Variants in ASTN1 observed in about 807,000 individuals in gnomAD.
ASTN1 encodes astrotactin-1.
Under a neutral mutation model 140.7 loss-of-function variants are expected in ASTN1, and 41 were observed. The observed-to-expected ratio is 0.29, with a 90% CI of 0.23 to 0.38. ASTN1 has a LOEUF of 0.38. Ranked by LOEUF, ASTN1 falls within the 10% of genes least tolerant of loss-of-function variation. The probability of loss-of-function intolerance (pLI) is 1.00; values close to 1 mark genes in which losing one functional copy is unlikely to be tolerated. For synonymous variants in ASTN1, 640 were observed against 652.2 expected (o/e 0.98, Z 0.29); for missense variants, 1,479 against 1,678.8 (o/e 0.88, Z 2.08).
intron 14 of ASTN1, among the ~76,000 whole-genome samples, chr1:176,936,820 G>C (rs1671468828): frequency 6.6e-6 from 1 of 152,208 alleles, no homozygotes; most frequent in Non-Finnish European, 1.5e-5. Flanking sequence ...GCTTAACTGA[G>C]ATGACCCCTT....
In ASTN1 at chr1:176,864,107, G is replaced by A; in HGVS notation, c.*177C>T. On this transcript the variant is annotated 3_prime_UTR_variant, in exon 23 of 23. Transcript: ENST00000361833. ...GGCAGATTTCCCAATCATGCAGATG[G>A]AGAACATCATACTGAAGAAGTTCTG... The A allele has an allele frequency of 3.5e-6, 5 of 1,438,362 alleles. No individual in the cohort carries two copies. In the Admixed American group the frequency reaches 1.1e-4, roughly 31 times the overall value. The allele number at this position is 1,438,362 out of a possible 1,614,324, so 89.1% of individuals were successfully genotyped here. A position where few individuals can be genotyped will look rare whatever the true frequency, so the allele number is the denominator to read the frequency against.
intron 20 of ASTN1, 130 bp from the exon 21 acceptor site, chr1:176,876,767 G>A: frequency 1.2e-6 from 1 of 849,712 alleles, no homozygotes; most frequent in Non-Finnish European, 1.8e-6. Flanking sequence ...GTCATCCTGG[G>A]TCACGTTTAC....
At chr1:177,014,513 T>C (rs1351394505) in intron 8 of ASTN1, among the ~76,000 whole-genome samples, 1 of 152,046 alleles carries the variant, frequency 6.6e-6, no homozygotes, top group Non-Finnish European at 1.5e-5. Context: ...TCATGGCTGG[T>C]GGTGGTGTGA....
At chr1:177,159,722 C>T (rs1466753273) in intron 1 of ASTN1, among the ~76,000 whole-genome samples, 2 of 151,640 alleles carry the variant, frequency 1.3e-5, no homozygotes, top group African/African-American at 4.9e-5. Context: ...ACAAGGGAGC[C>T]TTCTCTCTGG....
chr1:176,864,164 C>T lies in ASTN1; in HGVS notation c.*120G>A, dbSNP rs1017689388. The T allele has an allele frequency of 1.6e-5, 24 of 1,500,544 alleles. No individual in the cohort carries two copies. Among genetic ancestry groups the T allele is most frequent in the Middle Eastern group, 2.5e-4 (1 of 3,998 alleles). 93.0% of individuals were successfully genotyped at this position (1,500,544 alleles called of 1,614,324 possible). ...GCAAGGATCACTTTCTCCCTGGTTT[C>T]GATGTTGCTGTGGAGGTTTTCATGT... On this transcript the variant is annotated 3_prime_UTR_variant, in exon 23 of 23. Coordinates refer to ENST00000361833, the MANE Select transcript of ASTN1 (RefSeq NM_004319.3).
chr1:177,050,582 T>C (rs1360857626), intron 2 of ASTN1, among the ~76,000 whole-genome samples: 1 of 152,168 alleles, frequency 6.6e-6, no homozygotes, highest in Non-Finnish European at 1.5e-5. Flanking sequence ...AGATTTATTA[T>C]AGAGAGAGAC....
chr1:176,867,924 TTCC>T (rs1421796449), intron 22 of ASTN1, among the ~76,000 whole-genome samples: 3 of 74,560 alleles, frequency 4.0e-5, no homozygotes, highest in Non-Finnish European at 1.1e-4. Context: ...CTTCATTTCC[TTCC>T]TTCCTTCCTT....
chr1:176,971,053 T>C (rs1673122307), intron 8 of ASTN1, among the ~76,000 whole-genome samples: 1 of 152,184 alleles, frequency 6.6e-6, no homozygotes, highest in Non-Finnish European at 1.5e-5. Context: ...GTATGGGATA[T>C]TATATTTATA....
chr1:176,869,412 A>G (rs1668252638), intron 21 of ASTN1, among the ~76,000 whole-genome samples: 1 of 152,200 alleles, frequency 6.6e-6, no homozygotes, highest in Admixed American at 6.5e-5. Context: ...TTCAGTTACA[A>G]TATTCTTTCT....
chr1:177,093,337 A>G (rs1215405588), intron 1 of ASTN1, among the ~76,000 whole-genome samples: 1 of 152,190 alleles, frequency 6.6e-6, no homozygotes, highest in East Asian at 1.9e-4. Flanking sequence ...CAGTGTCAGG[A>G]CACTGTACGT....
intron 1 of ASTN1, among the ~76,000 whole-genome samples, chr1:177,140,457 C>T (rs1462352116): frequency 1.3e-5 from 2 of 152,134 alleles, no homozygotes; most frequent in African/African-American, 4.8e-5. Context: ...ACCCAATTTA[C>T]CACTTTATGG....
chr1:177,114,511 T>A (rs926455088), intron 1 of ASTN1, among the ~76,000 whole-genome samples: 2 of 152,152 alleles, frequency 1.3e-5, no homozygotes, highest in African/African-American at 4.8e-5. Context: ...TGTAGAATTA[T>A]ACCATGTATC....
chr1:177,160,336 C>T (rs568267083), intron 1 of ASTN1, among the ~76,000 whole-genome samples: 21 of 152,302 alleles, frequency 1.4e-4, no homozygotes, highest in Non-Finnish European at 2.2e-4. Flanking sequence ...TTCTTTTAAC[C>T]GCCACACTTG....
At chr1:177,159,593 A>G (rs936683801) in intron 1 of ASTN1, among the ~76,000 whole-genome samples, 3 of 152,236 alleles carry the variant, frequency 2.0e-5, no homozygotes, top group Non-Finnish European at 4.4e-5. Context: ...AGTAACTGCT[A>G]TTTAAACAGC....
intron 7 of ASTN1, among the ~76,000 whole-genome samples, chr1:177,015,466 A>G (rs960076660): frequency 6.6e-6 from 1 of 152,180 alleles, no homozygotes; most frequent in Non-Finnish European, 1.5e-5. Context: ...AACAACTACT[A>G]TATGCACAGG....
At chr1:176,968,393 A>T (rs1049021219) in intron 8 of ASTN1, among the ~76,000 whole-genome samples, 9 of 152,340 alleles carry the variant, frequency 5.9e-5, no homozygotes, top group Non-Finnish European at 7.4e-5. Flanking sequence ...GCCAGGCTTT[A>T]ACTCAGATTA....
At chr1:177,146,833 A>G (rs964605492) in intron 1 of ASTN1, among the ~76,000 whole-genome samples, 1 of 152,184 alleles carries the variant, frequency 6.6e-6, no homozygotes, top group African/African-American at 2.4e-5. Flanking sequence ...TGTTCTTTCA[A>G]GTAAAAATTG....
intron 21 of ASTN1, among the ~76,000 whole-genome samples, chr1:176,875,985 T>C (rs1668542547): frequency 6.6e-6 from 1 of 152,146 alleles, no homozygotes. Flanking sequence ...TTTTCTTAAT[T>C]AACAGGGACT....
In ASTN1 at chr1:176,861,161, A is replaced by G. The variant is rs1312583046; in HGVS notation, c.*3123T>C. ...TTTTAAACAACACTGTTATACCTGA[A>G]GATGGTCATATTATATTCTTTCTTC... On this transcript the variant is annotated 3_prime_UTR_variant, in exon 23 of 23. Coordinates refer to ENST00000361833, the MANE Select transcript of ASTN1 (RefSeq NM_004319.3). The G allele has an allele frequency of 1.0e-6, 1 of 955,098 alleles. No individual in the cohort carries two copies. The highest frequency in any genetic ancestry group is 1.8e-5 in the African/African-American group (1 of 56,536). 59.2% of individuals were successfully genotyped at this position (955,098 alleles called of 1,614,324 possible). A position where few individuals can be genotyped will look rare whatever the true frequency, so the allele number is the denominator to read the frequency against.
Sources: allele counts gnomAD v4.1 joint callset (sites outside exome capture counted in the v4.1 genomes callset), GRCh38; gene constraint gnomAD v4.1.1; transcripts MANE v1.5; gene names NCBI Gene and HGNC (gene_info 2026-07-23, HGNC 2026-07-21).